ARID1A: variants seen among roughly 807,000 people sequenced by gnomAD.
ARID1A encodes the protein AT-rich interactive domain-containing protein 1A.
A neutral mutation model predicts 212.6 loss-of-function variants in ARID1A; 20 were observed. That is an observed-to-expected ratio of 0.09 (90% CI 0.07 to 0.14). The LOEUF is 0.14. Among genes scored for constraint, ARID1A ranks in the 10% least tolerant of loss-of-function variants. ARID1A has a pLI of 1.00. For missense variants in ARID1A, 2,587 were observed against 3,059.0 expected, an observed-to-expected ratio of 0.85 and a Z score of 3.64; for synonymous variants, 1,376 against 1,222.1, an observed-to-expected ratio of 1.13 and a Z score of -2.63.
chr1:26,766,079 G>A, intron 8 of ARID1A, 142 bp from the exon 9 acceptor site: 2 of 884,578 alleles, frequency 2.3e-6, no homozygotes, highest in South Asian at 1.9e-5. Flanking sequence ...TCTGGATGTT[G>A]CATAGTTCTA....
At chr1:26,720,462 A>G (rs1392058748) in intron 1 of ARID1A, among the ~76,000 whole-genome samples, 1 of 151,264 alleles carries the variant, frequency 6.6e-6, no homozygotes, top group Non-Finnish European at 1.5e-5. Flanking sequence ...GACAGAGCAA[A>G]CAAGACTCCA....
At chr1:26,707,278 G>A (rs193025861) in intron 1 of ARID1A, among the ~76,000 whole-genome samples, 5 of 138,024 alleles carry the variant, frequency 3.6e-5, no homozygotes, top group Admixed American at 3.2e-4. Flanking sequence ...GTGTGATCTC[G>A]GCTCACTGCA....
intron 1 of ARID1A, among the ~76,000 whole-genome samples, chr1:26,700,671 G>A (rs1398530548): frequency 6.6e-6 from 1 of 152,208 alleles, no homozygotes; most frequent in Non-Finnish European, 1.5e-5. Context: ...AAGTTTGGTT[G>A]TTAGTTTCTA....
chr1:26,736,791 A>T (rs748451210), intron 4 of ARID1A, among the ~76,000 whole-genome samples: 1 of 150,982 alleles, frequency 6.6e-6, no homozygotes, highest in Non-Finnish European at 1.5e-5. Flanking sequence ...AATCCCATCT[A>T]CTCGGGAGGC....
At chr1:26,775,452 C>G in intron 18 of ARID1A, 125 bp from the exon 19 acceptor site, 7 of 1,446,056 alleles carry the variant, frequency 4.8e-6, no homozygotes, top group Non-Finnish European at 5.5e-6. Flanking sequence ...TGTGTTTCAT[C>G]TCCCAGACAG....
chr1:26,761,480 G>T lies in ARID1A; in HGVS notation c.2251+7G>T, dbSNP rs113786963. 12 of 1,614,106 alleles carry T rather than the reference G, an allele frequency of 7.4e-6. No homozygotes were observed. The highest frequency in any genetic ancestry group is 5.3e-5 in the African/African-American group (4 of 75,042). ...AGCATTGCCCAAGATCGAGGTGAGA[G>T]CCTGGGTGTTGGGGAGGGGCAGGGA... On this transcript the variant is annotated splice_region_variant and intron_variant, in intron 6 of 19. Transcript: ENST00000324856.
At chr1:26,734,875 T>A (rs545261388) in intron 4 of ARID1A, among the ~76,000 whole-genome samples, 35 of 152,296 alleles carry the variant, frequency 2.3e-4, no homozygotes, top group African/African-American at 8.2e-4. Context: ...CCAGAGCAGA[T>A]TCCAGGCTGG....
At chr1:26,737,616 G>A (rs1042351585) in intron 4 of ARID1A, among the ~76,000 whole-genome samples, 1 of 152,018 alleles carries the variant, frequency 6.6e-6, no homozygotes, top group African/African-American at 2.4e-5. Context: ...TTGTAATCCC[G>A]GCACTTTGGG....
chr1:26,779,664 G>A lies in ARID1A; in HGVS notation c.5766G>A (p.Leu1922=), dbSNP rs2124142603. ...TGTTGTCTACTCGGTCTAGCACCTT[G>A]ACCGAGGATGGAGCTAAGAGTTCAG... The part of the protein sequence containing the change: ...DDMLSTRSST[L]TEDGAKSSEA... Residue 1922 remains leucine (L), a synonymous_variant, in exon 20 of 20, where the codon TTG becomes TTA. Coordinates refer to ENST00000324856, the MANE Select transcript of ARID1A (RefSeq NM_006015.6). The A allele has an allele frequency of 6.2e-6, 10 of 1,614,124 alleles. No individual in the cohort carries two copies. Among genetic ancestry groups the A allele is most frequent in the South Asian group, 1.1e-5 (1 of 91,070 alleles).
In ARID1A at chr1:26,775,590, A is replaced by T. The variant is rs540043065; in HGVS notation, c.5007A>T (p.Ala1669=). Residue 1669 remains alanine, a synonymous_variant, in exon 19 of 20, where the codon GCA becomes GCT. Coordinates refer to ENST00000324856, the MANE Select transcript of ARID1A (RefSeq NM_006015.6). The part of the protein sequence containing the change: ...LTMKDIGTPE[A]WRVMMSLKSG... ...GGTTTATTTCAGGAACCCCGGAGGC[A>T]TGGCGGGTAATGATGTCCCTCAAGT... 1 of 1,613,974 alleles carries T rather than the reference A, an allele frequency of 6.2e-7. No individual in the cohort carries two copies. Among genetic ancestry groups the T allele is most frequent in the Non-Finnish European group, 8.5e-7 (1 of 1,179,992 alleles).
At chr1:26,760,727 A>G (rs1033186348) in intron 4 of ARID1A, 129 bp from the exon 5 acceptor site, 8 of 988,500 alleles carry the variant, frequency 8.1e-6, no homozygotes, top group African/African-American at 1.7e-5. Flanking sequence ...TAGTATCATG[A>G]CTAAAGAACG....
chr1:26,774,457 C>T lies in ARID1A; in HGVS notation c.4230C>T (p.Pro1410=), dbSNP rs753788131. 6.2e-7 allele frequency: 1 copy of T among 1,613,762 alleles called. No individual in the cohort carries two copies. Among genetic ancestry groups the T allele is most frequent in the Non-Finnish European group, 8.5e-7 (1 of 1,179,834 alleles). Residue 1410 remains proline (P), a synonymous_variant, in exon 18 of 20, where the codon CCC becomes CCT. Transcript: ENST00000324856. This position sits in a 1 kb window ranked among gnomAD's most constrained non-coding sequence, Gnocchi z 5.6. ...PQQQQLPPAQ[P]QPASQQQAAQ... ...AGCAGCAGTTGCCCCCAGCCCAGCCCCAGCCTGCCAGCCAGCAACAAGCTG... is the reference window on the plus strand; with the variant it reads ...AGCAGCAGTTGCCCCCAGCCCAGCCTCAGCCTGCCAGCCAGCAACAAGCTG...
intron 4 of ARID1A, among the ~76,000 whole-genome samples, chr1:26,747,753 G>A (rs1353098608): frequency 6.6e-6 from 1 of 152,088 alleles, no homozygotes; most frequent in Non-Finnish European, 1.5e-5. Flanking sequence ...GGGAGGCTGA[G>A]GCAGGAGGAT....
chr1:26,696,244 G>C lies in ARID1A; in HGVS notation c.-160G>C, dbSNP rs868031460. The stretch of plus-strand genomic sequence containing the variant: ...GCCCGGAGCCTGAGCCGGCGGGGCG[G>C]GGGGGAGAGGAGCGAGCGCAGCGCA... On this transcript the variant is annotated 5_prime_UTR_variant, in exon 1 of 20. Coordinates refer to ENST00000324856, the MANE Select transcript of ARID1A (RefSeq NM_006015.6). The C allele has an allele frequency of 4.2e-6, 4 of 952,502 alleles. No individual in the cohort carries two copies. The highest frequency in any genetic ancestry group is 3.8e-5 in the East Asian group (1 of 26,114). 59.0% of individuals were successfully genotyped at this position (952,502 alleles called of 1,614,324 possible).
chr1:26,771,393 T>A lies in ARID1A; in HGVS notation c.3406+67T>A. ...TGTTGCCCTGGCCTCTTATTCAGGA[T>A]ATGAATAAGAGGCTTATCCAACAGG... On this transcript the variant is annotated intron_variant, in intron 12 of 19. Coordinates refer to ENST00000324856, the MANE Select transcript of ARID1A (RefSeq NM_006015.6). This position sits in a 1 kb window ranked among gnomAD's most constrained non-coding sequence, Gnocchi z 5.4. 3 of 1,484,136 alleles carry A rather than the reference T, an allele frequency of 2.0e-6. No homozygotes were observed. In the South Asian group the frequency reaches 3.5e-5, roughly 17 times the overall value. The allele number at this position is 1,484,136 out of a possible 1,614,324, so 91.9% of individuals were successfully genotyped here. A position where few individuals can be genotyped will look rare whatever the true frequency, so the allele number is the denominator to read the frequency against.
At chr1:26,766,000 C>T (rs1019395484) in intron 8 of ARID1A, 1 of 548,750 alleles carries the variant, frequency 1.8e-6, no homozygotes, top group East Asian at 3.1e-5. Flanking sequence ...TATGATCACA[C>T]CACTGCATTC....
In ARID1A at chr1:26,779,450, C is replaced by T. The variant is rs758808153; in HGVS notation, c.5552C>T (p.Thr1851Ile). 4 of 1,613,966 alleles carry T rather than the reference C, an allele frequency of 2.5e-6. No individual in the cohort carries two copies. Among genetic ancestry groups the T allele is most frequent in the African/African-American group, 1.3e-5 (1 of 74,870 alleles). Residue 1851 changes from threonine (T) to isoleucine (I), a missense_variant, in exon 20 of 20, where the codon ACC (threonine) becomes ATC (isoleucine). Thr to Ile is a moderately conservative substitution (Grantham distance 89). Transcript: ENST00000324856. The part of the protein sequence containing the change: ...LLHWRIGGGD[T>I]TEHIQTHFES... ...CACTGGCGGATTGGTGGGGGGGACACCACTGAGCATATCCAGACCCACTTC... is the reference window on the plus strand; with the variant it reads ...CACTGGCGGATTGGTGGGGGGGACATCACTGAGCATATCCAGACCCACTTC...
At chr1:26,740,035 T>C (rs186663189) in intron 4 of ARID1A, among the ~76,000 whole-genome samples, 2 of 151,856 alleles carry the variant, frequency 1.3e-5, no homozygotes, top group East Asian at 1.9e-4. Context: ...GTTATGTTAA[T>C]GCTTTAAAAC....
intron 4 of ARID1A, among the ~76,000 whole-genome samples, chr1:26,759,451 G>A (rs537834201): frequency 6.6e-6 from 1 of 152,038 alleles, no homozygotes; most frequent in East Asian, 1.9e-4. Flanking sequence ...CAAGTGATCT[G>A]CCCGCCTCGG....
Sources: allele counts gnomAD v4.1 joint callset (sites outside exome capture counted in the v4.1 genomes callset), GRCh38; gene constraint gnomAD v4.1.1; non-coding constraint Gnocchi (gnomAD v3.1); transcripts MANE v1.5; gene names NCBI Gene and HGNC (gene_info 2026-07-23, HGNC 2026-07-21).